The following LMO1 variants were observed in gnomAD, a reference collection of about 807,000 sequenced individuals.
LMO1 encodes LIM domain only 1, also known as rhombotin-1.
A neutral mutation model predicts 18.0 loss-of-function variants in LMO1; 10 were observed. That is an observed-to-expected ratio of 0.55 (90% CI 0.34 to 0.94). LMO1 has a LOEUF of 0.94. Among genes scored for constraint, LMO1 ranks in the 40% least tolerant of loss-of-function variants. The probability of loss-of-function intolerance (pLI) is 0.02; values close to 1 mark genes in which losing one functional copy is unlikely to be tolerated. For synonymous variants in LMO1, 77 were observed against 77.9 expected (o/e 0.99, Z 0.06); for missense variants, 183 against 205.7 (o/e 0.89, Z 0.68).
At chr11:8,231,626 C>T (rs990115626) in intron 1 of LMO1, among the ~76,000 whole-genome samples, 2 of 152,180 alleles carry the variant, frequency 1.3e-5, no homozygotes, top group Admixed American at 6.5e-5. Context: ...CGTGTGCATG[C>T]TCCGTTCCTG....
intron 2 of LMO1, among the ~76,000 whole-genome samples, chr11:8,228,945 T>C (rs923093358): frequency 1.3e-5 from 2 of 152,170 alleles, no homozygotes; most frequent in African/African-American, 4.8e-5. Context: ...TGGAGTACAG[T>C]GGCGCAATCA....
At chr11:8,232,266 GAGAGGGA>G (rs1952677007) in intron 1 of LMO1, among the ~76,000 whole-genome samples, 2 of 152,166 alleles carry the variant, frequency 1.3e-5, no homozygotes, top group Non-Finnish European at 2.9e-5. Context: ...ATTGGTCTGA[GAGAGGGA>G]TGGGGCACAG....
At position 8,228,652 on chromosome 11, in the gene LMO1, C is replaced by CA. The variant is rs34483450; in HGVS notation, c.240-1553dup. Among the ~76,000 whole-genome samples the CA allele has an allele frequency of 1.5e-3, 198 of 135,778 alleles. 1 individual carries two copies. Among genetic ancestry groups the CA allele is most frequent in the African/African-American group, 2.7e-3 (98 of 36,894 alleles). The allele number at this position is 135,778 out of a possible 152,430, so 89.1% of individuals were successfully genotyped here. ...CAGTCACTCCTTGCCTCTGCCAGAG[C>CA]AAAAAAAAAAAAAAAAATTACCTTC... On this transcript the variant is annotated intron_variant, in intron 2 of 3. Coordinates refer to ENST00000335790, the MANE Select transcript of LMO1 (RefSeq NM_002315.3).
upstream of LMO1, among the ~76,000 whole-genome samples, chr11:8,267,795 C>T (rs962237041): frequency 3.9e-5 from 6 of 152,258 alleles, no homozygotes; most frequent in African/African-American, 1.2e-4. Flanking sequence ...ACCCACCTAC[C>T]CCAGCCAGCG....
At chr11:8,249,085 C>T (rs117266280) in intron 1 of LMO1, among the ~76,000 whole-genome samples, 467 of 152,318 alleles carry the variant, frequency 3.1e-3, no homozygotes, top group Non-Finnish European at 4.0e-3. Context: ...AGCCCTGCTA[C>T]GGGGAGCTGA....
intron 1 of LMO1, among the ~76,000 whole-genome samples, chr11:8,248,061 T>C (rs1846926016): frequency 6.6e-6 from 1 of 152,154 alleles, no homozygotes; most frequent in Non-Finnish European, 1.5e-5. Flanking sequence ...TCAGAAAAGT[T>C]AAGTGGTTTG....
At chr11:8,229,464 G>A (rs774594271) in intron 2 of LMO1, among the ~76,000 whole-genome samples, 23 of 152,156 alleles carry the variant, frequency 1.5e-4, no homozygotes, top group Non-Finnish European at 3.1e-4. Flanking sequence ...CCACAAGCCC[G>A]GCAACCATCC....
At chr11:8,255,790 T>C (rs1409544201) in intron 1 of LMO1, among the ~76,000 whole-genome samples, 1 of 150,580 alleles carries the variant, frequency 6.6e-6, no homozygotes, top group Non-Finnish European at 1.5e-5. Context: ...AATAACTAAT[T>C]GATACATACA....
At chr11:8,250,128 G>T (rs531830579) in intron 1 of LMO1, among the ~76,000 whole-genome samples, 62 of 152,098 alleles carry the variant, frequency 4.1e-4, no homozygotes, top group African/African-American at 1.4e-3. Context: ...CTTACGATCA[G>T]CTTTTGGCTC....
chr11:8,261,186 T>C (rs546782731), intron 1 of LMO1, among the ~76,000 whole-genome samples: 2 of 152,252 alleles, frequency 1.3e-5, no homozygotes, highest in East Asian at 3.9e-4. Flanking sequence ...GCTTGTGCTG[T>C]AATGGACCCC....
At chr11:8,262,786 G>A (rs1049376201) in intron 1 of LMO1, among the ~76,000 whole-genome samples, 8 of 152,178 alleles carry the variant, frequency 5.3e-5, no homozygotes, top group Non-Finnish European at 1.2e-4. Flanking sequence ...ATGTCCCCCG[G>A]AGGGTCCAAC....
At chr11:8,241,477 C>G (rs1405667340) in intron 1 of LMO1, among the ~76,000 whole-genome samples, 1 of 152,228 alleles carries the variant, frequency 6.6e-6, no homozygotes, top group Non-Finnish European at 1.5e-5. Context: ...CTTCATCCAG[C>G]CTGTAACATC....
At chr11:8,244,256 G>A (rs897873400) in intron 1 of LMO1, among the ~76,000 whole-genome samples, 1 of 152,220 alleles carries the variant, frequency 6.6e-6, no homozygotes, top group Non-Finnish European at 1.5e-5. Context: ...TTGGGAGTGG[G>A]CTGCTGGCTT....
chr11:8,243,535 T>TC, intron 1 of LMO1, among the ~76,000 whole-genome samples: 1 of 152,136 alleles, frequency 6.6e-6, no homozygotes. Flanking sequence ...GAAAGTGTCA[T>TC]CCCGTGTGAG....
At chr11:8,239,772 C>T (rs1846752446) in intron 1 of LMO1, among the ~76,000 whole-genome samples, 1 of 152,174 alleles carries the variant, frequency 6.6e-6, no homozygotes. Flanking sequence ...GCTCTAAGTG[C>T]CAAGCTTCTC....
intron 1 of LMO1, among the ~76,000 whole-genome samples, chr11:8,232,898 C>T (rs549321936): frequency 1.3e-5 from 2 of 152,338 alleles, no homozygotes; most frequent in East Asian, 1.9e-4. Context: ...GCTGGTCTTC[C>T]GAGCTCAGAC....
At chr11:8,234,810 G>T (rs989821579) in intron 1 of LMO1, among the ~76,000 whole-genome samples, 35 of 152,258 alleles carry the variant, frequency 2.3e-4, no homozygotes, top group East Asian at 1.9e-4. Context: ...TTGTGTCCCG[G>T]GGCCTTCACT....
chr11:8,227,187 T>C (rs143347905), intron 2 of LMO1, 87 bp from the exon 3 acceptor site: 12 of 1,534,586 alleles, frequency 7.8e-6, no homozygotes, highest in Non-Finnish European at 1.1e-5. Context: ...TCCAGGGTCC[T>C]TCCCATACTC....
At chr11:8,260,983 T>G (rs1406914930) in intron 1 of LMO1, among the ~76,000 whole-genome samples, 1 of 152,142 alleles carries the variant, frequency 6.6e-6, no homozygotes, top group Non-Finnish European at 1.5e-5. Flanking sequence ...GAGGAGCAGA[T>G]GAGTGCATCC....
Sources: allele counts gnomAD v4.1 joint callset (sites outside exome capture counted in the v4.1 genomes callset), GRCh38; gene constraint gnomAD v4.1.1; transcripts MANE v1.5; gene names NCBI Gene and HGNC (gene_info 2026-07-23, HGNC 2026-07-21).